The following SPRR2G variants were observed in gnomAD, a reference collection of about 807,000 sequenced individuals.
SPRR2G encodes small proline rich protein 2G.
Under a neutral mutation model 0.7 loss-of-function variants are expected in SPRR2G, and 1 was observed. That is an observed-to-expected ratio of 1.49 (90% confidence interval 0.53 to 7.06). SPRR2G has a LOEUF of 7.06. Among genes scored for constraint, SPRR2G ranks in the 30% most tolerant of loss-of-function variants. The pLI, the probability that SPRR2G is intolerant of heterozygous loss-of-function variation, is 0.14. For synonymous variants in SPRR2G, 38 were observed against 33.9 expected, an observed-to-expected ratio of 1.12 and a Z score of -0.42; for missense variants, 96 against 88.5, an observed-to-expected ratio of 1.09 and a Z score of -0.34.
At chr1:153,200,148 C>T in the SPRR2G span, among the ~76,000 whole-genome samples, 1 of 152,102 alleles carries the variant, frequency 6.6e-6, no homozygotes, top group Non-Finnish European at 1.5e-5. Context: ...TATCTTTTAT[C>T]AATAACATTG....
chr1:153,194,667 CT>C, the SPRR2G span, among the ~76,000 whole-genome samples: 1 of 152,204 alleles, frequency 6.6e-6, no homozygotes, highest in African/African-American at 2.4e-5. Flanking sequence ...TATCTTGGTG[CT>C]TCCCAAACTT....
Position 153,149,700 on chromosome 1 carries a change from C to T in SPRR2G, c.*189G>A. The T allele has an allele frequency of 1.4e-6, 1 of 719,756 alleles. No homozygotes were observed. Among genetic ancestry groups the T allele is most frequent in the Non-Finnish European group, 2.3e-6 (1 of 433,496 alleles). 44.6% of individuals were successfully genotyped at this position (719,756 alleles called of 1,614,324 possible). On this transcript the variant is annotated 3_prime_UTR_variant, in exon 2 of 2. Transcript: ENST00000368748. ...CAGCAAAGCGAGATTAGGCAGTGATCTGGCTGCTCATCTTCCAACAACATA... is the reference window on the plus strand; with the variant it reads ...CAGCAAAGCGAGATTAGGCAGTGATTTGGCTGCTCATCTTCCAACAACATA...
chr1:153,175,200 A>G, the SPRR2G span, among the ~76,000 whole-genome samples: 1 of 152,152 alleles, frequency 6.6e-6, no homozygotes, highest in African/African-American at 2.4e-5. Flanking sequence ...AATCGTAAGA[A>G]CCTCTTAACT....
chr1:153,153,807 T>C (rs1221201167), upstream of SPRR2G, among the ~76,000 whole-genome samples: 1 of 152,130 alleles, frequency 6.6e-6, no homozygotes, highest in African/African-American at 2.4e-5. Context: ...TACTACATAA[T>C]ATGCCTTTAA....
the SPRR2G span, among the ~76,000 whole-genome samples, chr1:153,163,306 G>A: frequency 6.6e-6 from 1 of 152,172 alleles, no homozygotes; most frequent in South Asian, 2.1e-4. Context: ...TATCTCATAG[G>A]TGAGGTTAAA....
the SPRR2G span, among the ~76,000 whole-genome samples, chr1:153,175,453 C>T: frequency 3.9e-5 from 6 of 152,182 alleles, no homozygotes; most frequent in Non-Finnish European, 7.3e-5. Flanking sequence ...GCCCTGGTCT[C>T]TCTATTCCCG....
the SPRR2G span, among the ~76,000 whole-genome samples, chr1:153,179,327 G>A: frequency 1.3e-5 from 2 of 152,140 alleles, no homozygotes; most frequent in Admixed American, 1.3e-4. Context: ...GGACTGTCAT[G>A]CAGCCAAGCT....
At chr1:153,197,879 T>C in the SPRR2G span, among the ~76,000 whole-genome samples, 1 of 152,236 alleles carries the variant, frequency 6.6e-6, no homozygotes, top group African/African-American at 2.4e-5. Context: ...TTCCATCTCC[T>C]TATTGACAAG....
At chr1:153,196,570 C>G in the SPRR2G span, among the ~76,000 whole-genome samples, 1 of 152,112 alleles carries the variant, frequency 6.6e-6, no homozygotes, top group South Asian at 2.1e-4. Flanking sequence ...AAAAGAAGAT[C>G]ATTAGGGAAA....
chr1:153,162,016 T>C, the SPRR2G span, among the ~76,000 whole-genome samples: 4,697 of 152,234 alleles, frequency 0.031, 239 homozygotes, highest in African/African-American at 0.11. Flanking sequence ...TGTTTAACTT[T>C]TATTTTAAGT....
the SPRR2G span, among the ~76,000 whole-genome samples, chr1:153,194,162 A>G: frequency 6.6e-6 from 1 of 152,154 alleles, no homozygotes; most frequent in Non-Finnish European, 1.5e-5. Context: ...TGTCAAACTG[A>G]CATGTATTAA....
At chr1:153,188,438 C>T in the SPRR2G span, among the ~76,000 whole-genome samples, 5 of 152,180 alleles carry the variant, frequency 3.3e-5, no homozygotes, top group Non-Finnish European at 5.9e-5. Context: ...AGTCTGGCCA[C>T]AGCCGCTTTG....
the SPRR2G span, among the ~76,000 whole-genome samples, chr1:153,163,598 T>C: frequency 7.6e-4 from 115 of 151,930 alleles, no homozygotes; most frequent in Non-Finnish European, 1.0e-3. Context: ...CATCCTCTTT[T>C]TGGAGCCTAA....
chr1:153,163,586 C>T, the SPRR2G span, among the ~76,000 whole-genome samples: 1 of 151,990 alleles, frequency 6.6e-6, no homozygotes, highest in Admixed American at 6.6e-5. Flanking sequence ...AGAGGGGTGT[C>T]CCATCCTCTT....
chr1:153,165,263 T>C, the SPRR2G span, among the ~76,000 whole-genome samples: 3 of 152,136 alleles, frequency 2.0e-5, no homozygotes, highest in African/African-American at 7.2e-5. Flanking sequence ...TATTGATAGA[T>C]ATTGAACTAA....
the SPRR2G span, among the ~76,000 whole-genome samples, chr1:153,182,013 G>A: frequency 6.6e-6 from 1 of 152,156 alleles, no homozygotes; most frequent in African/African-American, 2.4e-5. Flanking sequence ...TACCCATAAT[G>A]GCTGTATTAA....
upstream of SPRR2G, among the ~76,000 whole-genome samples, chr1:153,153,871 G>T (rs368320186): frequency 1.3e-4 from 20 of 152,072 alleles, no homozygotes; most frequent in African/African-American, 4.8e-4. Flanking sequence ...AACAGAGATG[G>T]CAAGAGTGAG....
At chr1:153,174,921 A>G in the SPRR2G span, among the ~76,000 whole-genome samples, 2 of 152,154 alleles carry the variant, frequency 1.3e-5, no homozygotes, top group Non-Finnish European at 2.9e-5. Context: ...AGAAAGAAAC[A>G]AAAGAAAAGA....
chr1:153,167,201 G>C, the SPRR2G span, among the ~76,000 whole-genome samples: 10,485 of 152,254 alleles, frequency 0.069, 606 homozygotes, highest in African/African-American at 0.16. Context: ...CTGGCCAGGC[G>C]TGGTGGCTCA....
Sources: gnomAD v4.1 joint callset for allele counts (sites outside exome capture counted in the v4.1 genomes callset) on GRCh38, gnomAD v4.1.1 for gene constraint, MANE v1.5 for transcripts, NCBI Gene and HGNC (gene_info 2026-07-23, HGNC 2026-07-21) for gene names.